The following RPUSD2 variants were observed in gnomAD, a reference collection of about 807,000 sequenced individuals.
The protein encoded by RPUSD2 is RNA pseudouridine synthase domain containing 2.
RPUSD2 carries 31 observed loss-of-function variants against 41.5 expected under a neutral mutation model. The observed-to-expected ratio is 0.75, with a 90% confidence interval of 0.56 to 1.01. The LOEUF (loss-of-function observed/expected upper bound fraction) is 1.01. Ranked by LOEUF, RPUSD2 falls within the 50% of genes least tolerant of loss-of-function variation. RPUSD2 has a pLI of 0.00. For missense variants in RPUSD2, 749 were observed against 724.7 expected (o/e 1.03, Z -0.38); for synonymous variants, 305 against 289.7 (o/e 1.05, Z -0.54).
rs577585199 is a variant in RPUSD2, at chr15:40,574,369, G to A, written c.*108G>A. ...TTGGGGTTTCTATAGGAATGAGGAC[G>A]GGCTTCTAAAGAGACCTGCTCATAC... On this transcript the variant is annotated 3_prime_UTR_variant, in exon 3 of 3. Transcript: ENST00000315616. 4.4e-5 allele frequency: 61 copies of A among 1,395,202 alleles called. 1 individual carries two copies. The highest frequency in any genetic ancestry group is 3.9e-4 in the East Asian group (17 of 43,418). 86.4% of individuals were successfully genotyped at this position (1,395,202 alleles called of 1,614,324 possible).
chr15:40,570,731 C>T (rs1453183), intron 1 of RPUSD2, among the ~76,000 whole-genome samples: 38,611 of 152,022 alleles, frequency 0.25, 5,985 homozygotes, highest in Middle Eastern at 0.37. Flanking sequence ...AATCGATTTG[C>T]GTCAATATAT....
chr15:40,573,506 T>C (rs1287904246), intron 2 of RPUSD2, 21 bp from the exon 3 acceptor site: 15 of 1,593,854 alleles, frequency 9.4e-6, no homozygotes, highest in Non-Finnish European at 1.3e-5. Flanking sequence ...ACTGACTTTC[T>C]CCCTCTTCCC....
rs398026953 is a variant in RPUSD2, at chr15:40,573,020, C to CTTTTTTTTT, written c.904-494_904-486dup. Among the ~76,000 whole-genome samples the CTTTTTTTTT allele has an allele frequency of 2.4e-3, 235 of 96,706 alleles. 4 individuals carry two copies. Among genetic ancestry groups the CTTTTTTTTT allele is most frequent in the Non-Finnish European group, 2.9e-3 (146 of 51,004 alleles). The allele number at this position is 96,706 out of a possible 152,430, so 63.4% of individuals were successfully genotyped here. A position where few individuals can be genotyped will look rare whatever the true frequency, so the allele number is the denominator to read the frequency against. ...GAGGTAAATGCTTTTCTTTTCTTTT[C>CTTTTTTTTT]TTTTTTTTTTTTTTTTTTTTTGAGA... On this transcript the variant is annotated intron_variant, in intron 2 of 2. Transcript: ENST00000315616.
chr15:40,572,002 T>C (rs1456610250), intron 2 of RPUSD2, 102 bp downstream of exon 2: 2 of 1,233,140 alleles, frequency 1.6e-6, no homozygotes, highest in Non-Finnish European at 2.3e-6. Flanking sequence ...CATATTTATC[T>C]GGCCATCCTT....
rs753604325 is a variant in RPUSD2, at chr15:40,571,880, G to C, written c.883G>C (p.Glu295Gln). 20 of 1,613,800 alleles carry C rather than the reference G, an allele frequency of 1.2e-5. No homozygotes were observed. The highest frequency in any genetic ancestry group is 1.6e-5 in the Non-Finnish European group (19 of 1,179,810). The stretch of plus-strand genomic sequence containing the variant: ...AGCTGCAGTCTCTGAGAGAATTCAC[G>C]AGCAGGTTCGGGACCGGCAGGTGAG... The part of the protein sequence containing the change: ...KTAAVSERIH[E>Q]QVRDRQLEKE... The change falls in exon 2 of 3, where the codon GAG becomes CAG. Residue 295 changes from glutamate (E) to glutamine (Q), a missense_variant. By Grantham distance (29) the Glu-to-Gln change is conservative. Transcript: ENST00000315616.
chr15:40,573,020 C>CTTTTTTTTTTTTTTTTTTT (rs398026953), intron 2 of RPUSD2, among the ~76,000 whole-genome samples: 10 of 96,784 alleles, frequency 1.0e-4, no homozygotes, highest in South Asian at 3.4e-4. Flanking sequence ...CTTTTCTTTT[C>CTTTTTTTTTTTTTTTTTTT]TTTTTTTTTT....
chr15:40,571,697 G>A lies in RPUSD2; in HGVS notation c.700G>A (p.Val234Ile). 1 of 1,614,252 alleles carries A rather than the reference G, an allele frequency of 6.2e-7. No homozygotes were observed. The highest frequency in any genetic ancestry group is 1.7e-5 in the Admixed American group (1 of 60,028). ...RLLAENEDVVVVDKPSSIPVH... is the reference protein window; with the variant it reads ...RLLAENEDVVIVDKPSSIPVH... ...GCTAGCTGAGAACGAAGATGTGGTG[G>A]TTGTAGACAAGCCTTCCTCCATTCC... is the stretch of plus-strand genomic sequence containing the variant. The change falls in exon 2 of 3, where the codon GTT (valine) becomes ATT (isoleucine). Residue 234 changes from valine to isoleucine, a missense_variant. By Grantham distance (29) the Val-to-Ile change is conservative (BLOSUM62 3). Transcript: ENST00000315616.
rs774347007 is a variant in RPUSD2 at position 40,569,530 on chromosome 15, G to A, written c.193G>A (p.Val65Ile). Residue 65 changes from valine (V) to isoleucine (I), a missense_variant, in exon 1 of 3, where the codon GTT (valine) becomes ATT (isoleucine). Val to Ile is a conservative substitution (Grantham distance 29). Coordinates refer to ENST00000315616, the MANE Select transcript of RPUSD2 (RefSeq NM_152260.3). ...QNGDAGGDAK[V>I]ELSPGPPKPA... ...CGGTGACGCTGGTGGCGACGCGAAGGTTGAGCTGTCCCCCGGGCCCCCGAA... is the reference window on the plus strand; with the variant it reads ...CGGTGACGCTGGTGGCGACGCGAAGATTGAGCTGTCCCCCGGGCCCCCGAA... 1.9e-6 allele frequency: 3 copies of A among 1,540,904 alleles called. No homozygotes were observed. In the African/African-American group the frequency reaches 4.1e-5, roughly 21 times the overall value.
chr15:40,571,337 C>CAA (rs1411279838), intron 1 of RPUSD2, among the ~76,000 whole-genome samples: 2 of 152,020 alleles, frequency 1.3e-5, no homozygotes, highest in African/African-American at 4.8e-5. Flanking sequence ...TTAGCAAAGC[C>CAA]AAAAAACATT....
At position 40,569,820 on chromosome 15, in the gene RPUSD2, C is replaced by T. The variant is rs1208180039; in HGVS notation, c.483C>T (p.Ser161=). The stretch of plus-strand genomic sequence containing the variant: ...GCAAAGGTCGCTGGGTGGGCCACAG[C>T]TTGCTGCACGTCTTCAGTACCGAGT... The part of the protein sequence containing the change: ...TYCKGRWVGH[S]LLHVFSTEFR... Residue 161 remains serine (S), a synonymous_variant, in exon 1 of 3, where the codon AGC becomes AGT. Transcript: ENST00000315616. 4.3e-6 allele frequency: 7 copies of T among 1,613,306 alleles called. No individual in the cohort carries two copies. Among genetic ancestry groups the T allele is most frequent in the African/African-American group, 1.3e-5 (1 of 74,932 alleles).
In RPUSD2 at chr15:40,573,634, A is replaced by G. The variant is rs770441685; in HGVS notation, c.1011A>G (p.Val337=). 3 of 1,614,042 alleles carry G rather than the reference A, an allele frequency of 1.9e-6. No individual in the cohort carries two copies. Among genetic ancestry groups the G allele is most frequent in the Admixed American group, 1.7e-5 (1 of 60,004 alleles). The change falls in exon 3 of 3, where the codon GTA becomes GTG. Residue 337 remains valine (V), a synonymous_variant. Coordinates refer to ENST00000315616, the MANE Select transcript of RPUSD2 (RefSeq NM_152260.3). ...VVSYKVGVCR[V]DPRGKPCETV... is the part of the protein sequence containing the mutation. ...CTTACAAAGTAGGGGTGTGCCGTGTAGATCCCCGGGGCAAGCCCTGTGAGA... is the reference window on the plus strand; with the variant it reads ...CTTACAAAGTAGGGGTGTGCCGTGTGGATCCCCGGGGCAAGCCCTGTGAGA...
In RPUSD2 at chr15:40,574,337, C is replaced by CTAG; in HGVS notation, c.*79_*81dup. The CTAG allele has an allele frequency of 1.3e-6, 2 of 1,512,660 alleles. No individual in the cohort carries two copies. The highest frequency in any genetic ancestry group is 1.8e-6 in the Non-Finnish European group (2 of 1,129,768). 93.7% of individuals were successfully genotyped at this position (1,512,660 alleles called of 1,614,324 possible). On this transcript the variant is annotated 3_prime_UTR_variant, in exon 3 of 3. Transcript: ENST00000315616. ...ATAGGGCAAGGGCTGACCCCATGGG[C>CTAG]TAGTACTTGGGGTTTCTATAGGAAT...
chr15:40,571,826 A>G lies in RPUSD2; in HGVS notation c.829A>G (p.Thr277Ala), dbSNP rs753404235. 36 of 1,613,932 alleles carry G rather than the reference A, an allele frequency of 2.2e-5. No individual in the cohort carries two copies. Among genetic ancestry groups the G allele is most frequent in the Admixed American group, 3.3e-5 (2 of 59,992 alleles). ...CCCCTTGCATCGGCTTGACCGCCTT[A>G]CCTCAGGGGTGCTTATGTTTGCCAA... is the stretch of plus-strand genomic sequence containing the variant. ...LHPLHRLDRL[T>A]SGVLMFAKTA... is the part of the protein sequence containing the mutation. The change falls in exon 2 of 3, where the codon ACC (threonine) becomes GCC (alanine). Residue 277 changes from threonine to alanine, a missense_variant. Coordinates refer to ENST00000315616, the MANE Select transcript of RPUSD2 (RefSeq NM_152260.3).
In RPUSD2 at chr15:40,573,649, G is replaced by T. The variant is rs1595901952; in HGVS notation, c.1026G>T (p.Lys342Asn). Residue 342 changes from lysine to asparagine, a missense_variant, in exon 3 of 3, where the codon AAG becomes AAT. Physicochemically the swap from Lys to Asn is moderately conservative, Grantham distance 94 (BLOSUM62 0). Transcript: ENST00000315616. ...VGVCRVDPRGKPCETVFQRLS... is the reference protein window; with the variant it reads ...VGVCRVDPRGNPCETVFQRLS... Reference sequence around the variant, plus strand: ...TGTGCCGTGTAGATCCCCGGGGCAAGCCCTGTGAGACAGTGTTCCAGAGGC... The same window carrying T: ...TGTGCCGTGTAGATCCCCGGGGCAATCCCTGTGAGACAGTGTTCCAGAGGC... 1 of 1,514,446 alleles carries T rather than the reference G, an allele frequency of 6.6e-7. No homozygotes were observed. The highest frequency in any genetic ancestry group is 1.6e-5 in the African/African-American group (1 of 61,814). 93.8% of individuals were successfully genotyped at this position (1,514,446 alleles called of 1,614,324 possible). A position where few individuals can be genotyped will look rare whatever the true frequency, so the allele number is the denominator to read the frequency against.
intron 2 of RPUSD2, 36 bp from the exon 3 acceptor site, chr15:40,573,491 T>C (rs1891183534): frequency 1.3e-6 from 2 of 1,579,240 alleles, no homozygotes; most frequent in Admixed American, 1.7e-5. Context: ...GAATTTAGGC[T>C]TTGTACTGAC....
Position 40,574,182 on chromosome 15 carries a change from C to T in RPUSD2, c.1559C>T (p.Ala520Val), listed in dbSNP as rs1891207641. 1 of 1,613,908 alleles carries T rather than the reference C, an allele frequency of 6.2e-7. No individual in the cohort carries two copies. The highest frequency in any genetic ancestry group is 1.7e-5 in the Admixed American group (1 of 59,998). ...LPQDLVMFLH[A>V]LRYKGPGFEY... ...CAAGACCTTGTGATGTTCCTACATGCCCTACGCTATAAAGGGCCAGGCTTT... is the reference window on the plus strand; with the variant it reads ...CAAGACCTTGTGATGTTCCTACATGTCCTACGCTATAAAGGGCCAGGCTTT... Residue 520 changes from alanine to valine, a missense_variant, in exon 3 of 3, where the codon GCC becomes GTC. Transcript: ENST00000315616.
chr15:40,574,067 T>C lies in RPUSD2; in HGVS notation c.1444T>C (p.Ser482Pro), dbSNP rs200732246. Residue 482 changes from serine (S) to proline (P), a missense_variant, in exon 3 of 3, where the codon TCA (serine) becomes CCA (proline). Transcript: ENST00000315616. ...GGAGTTGGACACAATAGCCTTGGCA[T>C]CAGAGAAGGCAGTTGAAACAGATGT... ...PQELDTIALA[S>P]EKAVETDVMN... The C allele has an allele frequency of 1.9e-6, 3 of 1,614,106 alleles. No individual in the cohort carries two copies. Among genetic ancestry groups the C allele is most frequent in the Admixed American group, 3.3e-5 (2 of 60,012 alleles).
intron 1 of RPUSD2, among the ~76,000 whole-genome samples, chr15:40,570,795 C>A (rs1891119618): frequency 6.6e-6 from 1 of 152,132 alleles, no homozygotes; most frequent in African/African-American, 2.4e-5. Flanking sequence ...CAGATCTGGT[C>A]TAACCCTCAC....
rs1891094634 is a variant in RPUSD2, at chr15:40,569,717, A to G, written c.380A>G (p.His127Arg). Residue 127 changes from histidine (H) to arginine (R), a missense_variant, in exon 1 of 3, where the codon CAC becomes CGC. Transcript: ENST00000315616. The part of the protein sequence containing the change: ...RRTGVSFGDE[H>R]FAETSYYFEG... ...ACCGGGGTGAGCTTCGGAGATGAGC[A>G]CTTTGCAGAAACCAGTTATTACTTC... The G allele has an allele frequency of 3.1e-6, 5 of 1,590,878 alleles. No individual in the cohort carries two copies. The East Asian group carries it at 1.1e-4, about 36-fold the overall frequency.
Sources: allele counts gnomAD v4.1 joint callset (sites outside exome capture counted in the v4.1 genomes callset), GRCh38; gene constraint gnomAD v4.1.1; transcripts MANE v1.5; gene names NCBI Gene and HGNC (gene_info 2026-07-23, HGNC 2026-07-21).